Variants in EPHA5 observed in about 807,000 individuals in gnomAD.
EPHA5 encodes EPH receptor A5.
In EPHA5, 60 loss-of-function variants were observed where a neutral mutation model predicts 105.0. The observed-to-expected ratio is 0.57, with a 90% CI of 0.46 to 0.71. The LOEUF is 0.71. EPHA5 is among the 30% of genes least tolerant of loss of function. The probability of loss-of-function intolerance (pLI) is 0.00; values close to 1 mark genes in which losing one functional copy is unlikely to be tolerated. For missense variants in EPHA5, 1,218 were observed against 1,274.7 expected (o/e 0.96, Z 0.68); for synonymous variants, 513 against 449.1 (o/e 1.14, Z -1.80).
chr4:65,553,210 TAGAA>T (rs1738090425), intron 3 of EPHA5, among the ~76,000 whole-genome samples: 2 of 152,238 alleles, frequency 1.3e-5, no homozygotes, highest in East Asian at 3.9e-4. Context: ...ATTAAGCTCA[TAGAA>T]AGAAGAAACT....
intron 3 of EPHA5, among the ~76,000 whole-genome samples, chr4:65,557,259 T>TATATATA (rs1560693532): frequency 5.6e-5 from 8 of 142,356 alleles, no homozygotes; most frequent in South Asian, 2.2e-4. Flanking sequence ...TATATATATA[T>TATATATA]TCTCACACTT....
At chr4:65,530,981 G>A (rs1407878525) in intron 3 of EPHA5, among the ~76,000 whole-genome samples, 1 of 151,488 alleles carries the variant, frequency 6.6e-6, no homozygotes, top group Non-Finnish European at 1.5e-5. Context: ...AAAGGGTGCT[G>A]ATTTAGCTGG....
chr4:65,399,388 T>G (rs1193434708), intron 8 of EPHA5, among the ~76,000 whole-genome samples: 1 of 152,190 alleles, frequency 6.6e-6, no homozygotes, highest in Non-Finnish European at 1.5e-5. Flanking sequence ...ATTGTGGGAT[T>G]CAGGCTGGTA....
chr4:65,456,649 C>T (rs1298372545), intron 5 of EPHA5, among the ~76,000 whole-genome samples: 1 of 151,986 alleles, frequency 6.6e-6, no homozygotes, highest in Non-Finnish European at 1.5e-5. Context: ...CATGAGAACA[C>T]AATTATTTTA....
At position 65,367,361 on chromosome 4, in the gene EPHA5, C is replaced by G. The variant is rs755156920; in HGVS notation, c.1857G>C (p.Gly619=). ...TATTTTTTACAATTTGCTTACTGTG[C>G]CCATTATGAAAATGCATCTTTTCCT... ...PEEEKMHFHN[G]HIKLPGVRTY... Residue 619 remains glycine, a synonymous_variant, in exon 9 of 17, where the codon GGG becomes GGC. Coordinates refer to ENST00000613740, the MANE Select transcript of EPHA5 (RefSeq NM_001281766.3). The G allele has an allele frequency of 1.9e-6, 3 of 1,610,562 alleles. No individual in the cohort carries two copies. The East Asian group carries it at 6.7e-5, about 36-fold the overall frequency.
chr4:65,610,306 AT>A (rs1744647361), intron 2 of EPHA5, among the ~76,000 whole-genome samples: 1 of 152,106 alleles, frequency 6.6e-6, no homozygotes, highest in Non-Finnish European at 1.5e-5. Flanking sequence ...GCATGTTCTC[AT>A]TTAAACACTG....
chr4:65,320,648 A>T lies in EPHA5; in HGVS notation c.*3466T>A. ...TTACATGGCATAAATAATGGTGTTA[A>T]AAATATTTTACTTTCACATACAGAT... On this transcript the variant is annotated 3_prime_UTR_variant, in exon 17 of 17. Transcript: ENST00000613740. The T allele has an allele frequency of 4.3e-6, 1 of 230,022 alleles. No individual in the cohort carries two copies. Among genetic ancestry groups the T allele is most frequent in the Non-Finnish European group, 8.6e-6 (1 of 115,946 alleles). The allele number at this position is 230,022 out of a possible 1,614,324, so 14.2% of individuals were successfully genotyped here.
At chr4:65,529,431 G>A (rs1376203277) in intron 3 of EPHA5, among the ~76,000 whole-genome samples, 1 of 151,592 alleles carries the variant, frequency 6.6e-6, no homozygotes, top group African/African-American at 2.4e-5. Flanking sequence ...CATATTATAT[G>A]CACACACACA....
At chr4:65,567,443 C>T (rs1208857131) in intron 3 of EPHA5, among the ~76,000 whole-genome samples, 1 of 151,448 alleles carries the variant, frequency 6.6e-6, no homozygotes, top group Non-Finnish European at 1.5e-5. Flanking sequence ...TCAATAACTT[C>T]AGAATTTGGC....
At chr4:65,576,645 G>A (rs1166970727) in intron 3 of EPHA5, among the ~76,000 whole-genome samples, 5 of 152,180 alleles carry the variant, frequency 3.3e-5, no homozygotes, top group Admixed American at 6.5e-5. Context: ...GTGGTTAAAT[G>A]TCTTCCTCCA....
At chr4:65,402,396 T>C (rs1721930530) in intron 8 of EPHA5, among the ~76,000 whole-genome samples, 1 of 152,138 alleles carries the variant, frequency 6.6e-6, no homozygotes, top group African/African-American at 2.4e-5. Context: ...AGTAAGTAGA[T>C]TGAAAGTTCT....
chr4:65,365,313 AC>A, intron 10 of EPHA5, 111 bp from the exon 11 acceptor site: 1 of 813,808 alleles, frequency 1.2e-6, no homozygotes, highest in Non-Finnish European at 1.9e-6. Flanking sequence ...AAACAAACAA[AC>A]AAACAAACAA....
At chr4:65,419,224 A>G (rs377630851) in intron 6 of EPHA5, among the ~76,000 whole-genome samples, 1 of 151,876 alleles carries the variant, frequency 6.6e-6, no homozygotes, top group Non-Finnish European at 1.5e-5. Flanking sequence ...GTATATATAT[A>G]GTTGCACTTT....
At chr4:65,468,305 A>G (rs925328850) in intron 5 of EPHA5, among the ~76,000 whole-genome samples, 1 of 151,886 alleles carries the variant, frequency 6.6e-6, no homozygotes, top group Non-Finnish European at 1.5e-5. Flanking sequence ...TTTGTTACAT[A>G]TCACATAGCC....
At chr4:65,626,360 T>A (rs1412538235) in intron 2 of EPHA5, among the ~76,000 whole-genome samples, 3 of 152,188 alleles carry the variant, frequency 2.0e-5, no homozygotes, top group African/African-American at 7.2e-5. Flanking sequence ...AATTGCTTAC[T>A]TATGTTTTTC....
intron 5 of EPHA5, among the ~76,000 whole-genome samples, chr4:65,468,675 T>A (rs200951616): frequency 2.1e-5 from 1 of 48,574 alleles, no homozygotes; most frequent in African/African-American, 5.2e-5. Context: ...ATATAACATA[T>A]ATACATATAT....
intron 1 of EPHA5, among the ~76,000 whole-genome samples, chr4:65,659,914 C>G (rs1025737231): frequency 6.6e-6 from 1 of 151,986 alleles, no homozygotes; most frequent in Non-Finnish European, 1.5e-5. Flanking sequence ...GATGAGACAT[C>G]TACATATTTC....
chr4:65,386,434 T>G (rs1000968473), intron 8 of EPHA5, among the ~76,000 whole-genome samples: 1 of 151,982 alleles, frequency 6.6e-6, no homozygotes, highest in Non-Finnish European at 1.5e-5. Flanking sequence ...TCAATATGTA[T>G]AAACAATCTT....
intron 1 of EPHA5, among the ~76,000 whole-genome samples, chr4:65,663,808 A>G (rs1257233224): frequency 6.6e-6 from 1 of 152,026 alleles, no homozygotes; most frequent in Non-Finnish European, 1.5e-5. Flanking sequence ...CTATAGGGTC[A>G]AAAGAAAAAT....
Sources: gnomAD v4.1 joint callset for allele counts (sites outside exome capture counted in the v4.1 genomes callset) on GRCh38, gnomAD v4.1.1 for gene constraint, MANE v1.5 for transcripts, NCBI Gene and HGNC (gene_info 2026-07-23, HGNC 2026-07-21) for gene names.